The following ZNF277 variants were observed in gnomAD, a reference collection of about 807,000 sequenced individuals.
The protein encoded by ZNF277 is zinc finger protein 277.
In ZNF277, 55 loss-of-function variants were observed where a neutral mutation model predicts 60.7. The ratio of observed to expected loss-of-function variants is 0.91; its 90% CI spans 0.73 to 1.13. The LOEUF (loss-of-function observed/expected upper bound fraction) is 1.13. Ranked by LOEUF, ZNF277 falls within the 50% of genes most tolerant of loss-of-function variation. The pLI is 0.00. For missense variants in ZNF277, 510 were observed against 523.0 expected, an observed-to-expected ratio of 0.98 and a Z score of 0.24; for synonymous variants, 178 against 179.3, an observed-to-expected ratio of 0.99 and a Z score of 0.06.
Position 112,337,715 on chromosome 7 carries a change from T to A in ZNF277, c.870-15T>A, listed in dbSNP as rs1421510409. Reference sequence around the variant, plus strand: ...AAGGGAATCTCCGTATTTTCTCTCCTCTTTTTTAATTCAGTGACTGGTCTG... The same window carrying A: ...AAGGGAATCTCCGTATTTTCTCTCCACTTTTTTAATTCAGTGACTGGTCTG... On this transcript the variant is annotated splice_polypyrimidine_tract_variant and intron_variant, in intron 8 of 11. Coordinates refer to ENST00000361822, the MANE Select transcript of ZNF277 (RefSeq NM_021994.3). 9 of 1,607,766 alleles carry A rather than the reference T, an allele frequency of 5.6e-6. No homozygotes were observed. Among genetic ancestry groups the A allele is most frequent in the African/African-American group, 1.3e-5 (1 of 74,944 alleles).
At chr7:112,316,787 C>T (rs143916375) in intron 4 of ZNF277, among the ~76,000 whole-genome samples, 9 of 152,124 alleles carry the variant, frequency 5.9e-5, no homozygotes, top group East Asian at 1.9e-4. Flanking sequence ...TTTGACTCAG[C>T]GGTCCCGTTA....
intron 6 of ZNF277, chr7:112,328,068 C>T (rs1246621926): frequency 3.0e-5 from 10 of 329,012 alleles, no homozygotes; most frequent in Non-Finnish European, 5.5e-5. Flanking sequence ...ACAATGTATG[C>T]CGTATAGGAT....
In ZNF277 at chr7:112,337,848, G is replaced by T. The variant is rs539371236; in HGVS notation, c.966+22G>T. On this transcript the variant is annotated intron_variant, in intron 9 of 11. Coordinates refer to ENST00000361822, the MANE Select transcript of ZNF277 (RefSeq NM_021994.3). Reference sequence around the variant, plus strand: ...GGAGGTAAGATACCTGTATTTATTTGAATTTTGTTTTATTCTGACAGGGGA... The same window carrying T: ...GGAGGTAAGATACCTGTATTTATTTTAATTTTGTTTTATTCTGACAGGGGA... The T allele has an allele frequency of 8.8e-6, 14 of 1,593,372 alleles. No individual in the cohort carries two copies. The African/African-American group carries it at 1.7e-4, about 20-fold the overall frequency.
chr7:112,244,977 A>G (rs1791049666), intron 1 of ZNF277, among the ~76,000 whole-genome samples: 1 of 152,156 alleles, frequency 6.6e-6, no homozygotes, highest in African/African-American at 2.4e-5. Context: ...AGTAGCACAA[A>G]TCCTGTTTTT....
chr7:112,326,733 A>G (rs1172093709), intron 5 of ZNF277, among the ~76,000 whole-genome samples: 1 of 151,718 alleles, frequency 6.6e-6, no homozygotes, highest in Non-Finnish European at 1.5e-5. Flanking sequence ...CACTGAAAAC[A>G]TTTTTTTGGG....
chr7:112,329,461 C>G (rs1234020340), intron 6 of ZNF277, among the ~76,000 whole-genome samples: 1 of 152,138 alleles, frequency 6.6e-6, no homozygotes, highest in Non-Finnish European at 1.5e-5. Context: ...GTAGTAACAG[C>G]TACTATTTAT....
intron 6 of ZNF277, among the ~76,000 whole-genome samples, chr7:112,329,853 C>G (rs1793182556): frequency 6.6e-6 from 1 of 152,154 alleles, no homozygotes; most frequent in Non-Finnish European, 1.5e-5. Flanking sequence ...TTGTCACAGT[C>G]TTAACTGAAT....
intron 5 of ZNF277, among the ~76,000 whole-genome samples, chr7:112,322,583 A>G (rs1584410242): frequency 1.3e-5 from 2 of 151,924 alleles, no homozygotes; most frequent in South Asian, 4.1e-4. Context: ...ATATCTTTTT[A>G]TTGGTATTCT....
At chr7:112,225,992 C>T (rs924314298) in intron 1 of ZNF277, among the ~76,000 whole-genome samples, 1 of 152,162 alleles carries the variant, frequency 6.6e-6, no homozygotes, top group Non-Finnish European at 1.5e-5. Context: ...CTGTCCAAGA[C>T]ATAAATATTA....
At chr7:112,265,384 C>G (rs1359913105) in intron 1 of ZNF277, among the ~76,000 whole-genome samples, 1 of 152,152 alleles carries the variant, frequency 6.6e-6, no homozygotes, top group Admixed American at 6.6e-5. Flanking sequence ...AGTAAGAACA[C>G]ACACGTTTAT....
chr7:112,278,571 C>T (rs1791868958), intron 1 of ZNF277, among the ~76,000 whole-genome samples: 1 of 152,112 alleles, frequency 6.6e-6, no homozygotes, highest in Non-Finnish European at 1.5e-5. Context: ...CTTAGAACAA[C>T]TCTGTCGGGT....
intron 11 of ZNF277, 46 bp from the exon 12 acceptor site, chr7:112,342,515 G>T: frequency 6.7e-7 from 1 of 1,492,898 alleles, no homozygotes; most frequent in East Asian, 2.4e-5. Flanking sequence ...CCTGGACACT[G>T]TATTAGCTTG....
At chr7:112,222,768 A>G (rs1244919367) in intron 1 of ZNF277, among the ~76,000 whole-genome samples, 1 of 152,170 alleles carries the variant, frequency 6.6e-6, no homozygotes, top group East Asian at 1.9e-4. Context: ...ATTGAAGGAT[A>G]CAAAGTATTG....
intron 1 of ZNF277, among the ~76,000 whole-genome samples, chr7:112,210,458 GTTTTTTGT>G (rs1563191588): frequency 8.9e-6 from 1 of 112,328 alleles, no homozygotes. Flanking sequence ...TTTTGTTTTT[GTTTTTTGT>G]TTTTTTTTTT....
chr7:112,316,802 G>A (rs962643733), intron 4 of ZNF277, among the ~76,000 whole-genome samples: 11 of 152,032 alleles, frequency 7.2e-5, no homozygotes, highest in African/African-American at 2.2e-4. Context: ...CCGTTACTGT[G>A]TATATACCCA....
At chr7:112,313,943 G>C (rs191849027) in intron 4 of ZNF277, among the ~76,000 whole-genome samples, 79 of 152,180 alleles carry the variant, frequency 5.2e-4, no homozygotes, top group Admixed American at 1.6e-3. Flanking sequence ...TGTATTTATT[G>C]AGAATCTACT....
chr7:112,305,117 C>T (rs1482733957), intron 4 of ZNF277, among the ~76,000 whole-genome samples: 1 of 152,062 alleles, frequency 6.6e-6, no homozygotes, highest in Non-Finnish European at 1.5e-5. Flanking sequence ...ATGAGCTGGG[C>T]CCAGTGGCTC....
At chr7:112,324,280 T>C (rs958646568) in intron 5 of ZNF277, among the ~76,000 whole-genome samples, 1 of 152,208 alleles carries the variant, frequency 6.6e-6, no homozygotes, top group Non-Finnish European at 1.5e-5. Flanking sequence ...TCTGATGTAA[T>C]TTATTGCATA....
chr7:112,315,971 A>G (rs1792835951), intron 4 of ZNF277, among the ~76,000 whole-genome samples: 1 of 152,122 alleles, frequency 6.6e-6, no homozygotes, highest in Admixed American at 6.6e-5. Flanking sequence ...TAAGAAGGTC[A>G]TTGTTCTAAG....
Sources: allele counts gnomAD v4.1 joint callset (sites outside exome capture counted in the v4.1 genomes callset), GRCh38; gene constraint gnomAD v4.1.1; transcripts MANE v1.5; gene names NCBI Gene and HGNC (gene_info 2026-07-23, HGNC 2026-07-21).